The following LINGO2 variants were observed in gnomAD, a reference collection of about 807,000 sequenced individuals.
LINGO2 encodes the protein leucine rich repeat and Ig domain containing 2, also known as leucine-rich repeat and immunoglobulin-like domain-containing nogo receptor-interacting protein 2.
Under a neutral mutation model 30.6 loss-of-function variants are expected in LINGO2, and 14 were observed. The ratio of observed to expected loss-of-function variants is 0.46; its 90% CI spans 0.30 to 0.72. The LOEUF (loss-of-function observed/expected upper bound fraction) is 0.72. Among genes scored for constraint, LINGO2 ranks in the 30% least tolerant of loss-of-function variants. The pLI is 0.07. For missense variants in LINGO2, 729 were observed against 751.7 expected (o/e 0.97, Z 0.35); for synonymous variants, 317 against 288.5 (o/e 1.10, Z -1.00).
chr9:28,653,384 C>T (rs1015472434), intron 1 of LINGO2, among the ~76,000 whole-genome samples: 1 of 152,112 alleles, frequency 6.6e-6, no homozygotes, highest in African/African-American at 2.4e-5. Context: ...CTCACTCAGC[C>T]ACTTCTGCTC....
chr9:28,541,866 G>A (rs772115339), intron 1 of LINGO2, among the ~76,000 whole-genome samples: 3 of 152,102 alleles, frequency 2.0e-5, no homozygotes, highest in Non-Finnish European at 4.4e-5. Context: ...GTATTCTGAA[G>A]TAAGATATAT....
the LINGO2 span, among the ~76,000 whole-genome samples, chr9:29,205,657 A>G: frequency 1.3e-5 from 2 of 152,216 alleles, no homozygotes; most frequent in Non-Finnish European, 2.9e-5. Context: ...AGATTTTATT[A>G]GTAAGGTCAT....
At chr9:27,992,790 C>T (rs1821463760) in intron 5 of LINGO2, among the ~76,000 whole-genome samples, 2 of 140,480 alleles carry the variant, frequency 1.4e-5, no homozygotes, top group Non-Finnish European at 3.1e-5. Flanking sequence ...GGTGAGGGAA[C>T]ATTAACTAAA....
chr9:28,426,311 T>C (rs1168601291), intron 2 of LINGO2, among the ~76,000 whole-genome samples: 1 of 152,058 alleles, frequency 6.6e-6, no homozygotes, highest in East Asian at 1.9e-4. Context: ...AATAAAACAT[T>C]TAGTACATGT....
At chr9:28,838,066 T>A in the LINGO2 span, among the ~76,000 whole-genome samples, 1 of 152,156 alleles carries the variant, frequency 6.6e-6, no homozygotes, top group Non-Finnish European at 1.5e-5. Context: ...GAGGCATTTA[T>A]GTGTGGTCCA....
chr9:29,088,916 G>C, the LINGO2 span, among the ~76,000 whole-genome samples: 1 of 151,962 alleles, frequency 6.6e-6, no homozygotes, highest in Non-Finnish European at 1.5e-5. Flanking sequence ...TTTAAATCCT[G>C]AAATATGTGC....
chr9:28,709,684 T>G, the LINGO2 span, among the ~76,000 whole-genome samples: 1 of 152,038 alleles, frequency 6.6e-6, no homozygotes, highest in East Asian at 1.9e-4. Flanking sequence ...AGTATATGAG[T>G]GAATTCTGCA....
the LINGO2 span, among the ~76,000 whole-genome samples, chr9:28,885,584 T>C: frequency 2.0e-5 from 3 of 151,830 alleles, no homozygotes; most frequent in African/African-American, 7.3e-5. Flanking sequence ...AGTGTGTCAA[T>C]AGCAATTAAA....
chr9:28,592,135 A>G (rs939694), intron 1 of LINGO2, among the ~76,000 whole-genome samples: 20,497 of 152,132 alleles, frequency 0.13, 1,905 homozygotes, highest in Admixed American at 0.27. Context: ...GAACAAAATC[A>G]TGCTGTTACA....
chr9:28,578,741 G>A (rs1824113922), intron 1 of LINGO2, among the ~76,000 whole-genome samples: 1 of 152,132 alleles, frequency 6.6e-6, no homozygotes, highest in African/African-American at 2.4e-5. Context: ...GGTTTTTGGT[G>A]AATGCTAATT....
chr9:28,614,283 G>A (rs916242581), intron 1 of LINGO2, among the ~76,000 whole-genome samples: 8 of 152,084 alleles, frequency 5.3e-5, no homozygotes, highest in Admixed American at 1.3e-4. Context: ...CCAGACCTAT[G>A]TGTTTCCTAG....
chr9:28,066,866 C>G (rs1043070166), intron 4 of LINGO2, among the ~76,000 whole-genome samples: 37 of 151,900 alleles, frequency 2.4e-4, no homozygotes, highest in Non-Finnish European at 4.4e-4. Flanking sequence ...GCTTGCTATT[C>G]TTACTATTCT....
intron 4 of LINGO2, among the ~76,000 whole-genome samples, chr9:28,252,918 C>A (rs905461768): frequency 3.9e-5 from 6 of 151,958 alleles, no homozygotes; most frequent in Non-Finnish European, 8.8e-5. Flanking sequence ...CTTTAATGGA[C>A]AGTCTCAATT....
chr9:28,037,631 G>C (rs899906820), intron 4 of LINGO2, among the ~76,000 whole-genome samples: 1 of 152,230 alleles, frequency 6.6e-6, no homozygotes, highest in African/African-American at 2.4e-5. Flanking sequence ...CTCTTTGGAA[G>C]AAACAGTGTC....
chr9:28,044,979 A>G (rs1824351324), intron 4 of LINGO2, among the ~76,000 whole-genome samples: 1 of 151,858 alleles, frequency 6.6e-6, no homozygotes, highest in Non-Finnish European at 1.5e-5. Flanking sequence ...AGTTTTCCTG[A>G]CTCCCATGTG....
chr9:29,052,070 G>C, the LINGO2 span, among the ~76,000 whole-genome samples: 1 of 151,970 alleles, frequency 6.6e-6, no homozygotes, highest in African/African-American at 2.4e-5. Flanking sequence ...AATTTCCTAT[G>C]GTTCAACTTA....
At chr9:29,128,761 G>A in the LINGO2 span, among the ~76,000 whole-genome samples, 2 of 152,170 alleles carry the variant, frequency 1.3e-5, no homozygotes, top group East Asian at 1.9e-4. Context: ...GAGTTCCAAG[G>A]TAAAGGCTAT....
chr9:28,034,989 G>A (rs1823861938), intron 4 of LINGO2, among the ~76,000 whole-genome samples: 2 of 152,162 alleles, frequency 1.3e-5, no homozygotes, highest in Non-Finnish European at 2.9e-5. Context: ...CTATCACTGT[G>A]TCTTTCTCCA....
At chr9:28,715,239 C>T in the LINGO2 span, among the ~76,000 whole-genome samples, 2 of 152,132 alleles carry the variant, frequency 1.3e-5, no homozygotes, top group Admixed American at 6.6e-5. Context: ...GCAGACTGTT[C>T]ACACACATTA....
Sources: allele counts gnomAD v4.1 joint callset (sites outside exome capture counted in the v4.1 genomes callset), GRCh38; gene constraint gnomAD v4.1.1; transcripts MANE v1.5; gene names NCBI Gene and HGNC (gene_info 2026-07-23, HGNC 2026-07-21).